The following ASAH2 variants were observed in gnomAD, a reference collection of about 807,000 sequenced individuals.
ASAH2 encodes neutral ceramidase.
Under a neutral mutation model 82.9 loss-of-function variants are expected in ASAH2, and 58 were observed. The observed-to-expected ratio is 0.70, with a 90% CI of 0.57 to 0.87. ASAH2 has a LOEUF of 0.87. Among genes scored for constraint, ASAH2 ranks in the 40% least tolerant of loss-of-function variants. ASAH2 has a pLI of 0.00. For missense variants in ASAH2, 779 were observed against 834.0 expected, an observed-to-expected ratio of 0.93 and a Z score of 0.81; for synonymous variants, 276 against 289.7, an observed-to-expected ratio of 0.95 and a Z score of 0.48.
chr10:50,205,542 A>G (rs1269163110), intron 13 of ASAH2, among the ~76,000 whole-genome samples: 1 of 152,032 alleles, frequency 6.6e-6, no homozygotes, highest in African/African-American at 2.4e-5. Flanking sequence ...AATGCAAAAT[A>G]TATGTTTCAA....
chr10:50,208,109 A>C (rs1016822399), intron 12 of ASAH2, among the ~76,000 whole-genome samples: 33 of 152,090 alleles, frequency 2.2e-4, no homozygotes, highest in South Asian at 4.1e-4. Context: ...AAAAACTAAT[A>C]CCATTTTATG....
At chr10:50,201,453 A>G (rs1564834735) in intron 16 of ASAH2, among the ~76,000 whole-genome samples, 1 of 152,002 alleles carries the variant, frequency 6.6e-6, no homozygotes, top group Non-Finnish European at 1.5e-5. Context: ...CCAGCACCCA[A>G]AAGCACTTAC....
chr10:50,230,495 G>T (rs1005277949), intron 7 of ASAH2, among the ~76,000 whole-genome samples: 8 of 152,178 alleles, frequency 5.3e-5, no homozygotes, highest in African/African-American at 1.9e-4. Context: ...CATTTTTAAC[G>T]TATTCAAAGA....
At position 50,184,932 on chromosome 10, in the gene ASAH2, CA is replaced by C. The variant is rs1844705797; in HGVS notation, c.*2382del. 2 of 151,526 alleles carry C rather than the reference CA, an allele frequency of 1.3e-5. No homozygotes were observed. Among genetic ancestry groups the C allele is most frequent in the East Asian group, 1.9e-4 (1 of 5,136 alleles). 9.4% of individuals were successfully genotyped at this position (151,526 alleles called of 1,614,324 possible). A position where few individuals can be genotyped will look rare whatever the true frequency, so the allele number is the denominator to read the frequency against. On this transcript the variant is annotated 3_prime_UTR_variant, in exon 21 of 21. Transcript: ENST00000682911. Reference sequence around the variant, plus strand: ...ATTGACAATTTTACACAGTACTCATCAAAAAATCTAGACCTGGAAAAGAGAT... The same window carrying C: ...ATTGACAATTTTACACAGTACTCATCAAAAATCTAGACCTGGAAAAGAGAT...
In ASAH2 at chr10:50,214,439, T is replaced by C. The variant is rs371936706; in HGVS notation, c.1140+304A>G. Reference sequence around the variant, plus strand: ...AATTTTTACTACAAACTTGTGACTTTCGAAATGCCAAAGCAAAATGTTTCA... The same window carrying C: ...AATTTTTACTACAAACTTGTGACTTCCGAAATGCCAAAGCAAAATGTTTCA... On this transcript the variant is annotated intron_variant, in intron 9 of 20. Transcript: ENST00000682911. 3.7e-4 allele frequency among the ~76,000 whole-genome samples: 56 copies of C among 152,278 alleles called. 1 individual carries two copies. In the East Asian group the frequency reaches 6.8e-3, roughly 18 times the overall value.
intron 17 of ASAH2, among the ~76,000 whole-genome samples, chr10:50,198,659 A>G (rs1311912397): frequency 6.6e-6 from 1 of 152,064 alleles, no homozygotes; most frequent in Non-Finnish European, 1.5e-5. Flanking sequence ...GGCAAGGATT[A>G]GAGAACACAG....
chr10:50,201,594 C>T (rs1845150180), intron 16 of ASAH2, among the ~76,000 whole-genome samples: 1 of 152,114 alleles, frequency 6.6e-6, no homozygotes, highest in Non-Finnish European at 1.5e-5. Flanking sequence ...TTTCCCATCT[C>T]ACCTGGACCA....
intron 4 of ASAH2, among the ~76,000 whole-genome samples, chr10:50,239,968 T>C (rs1434075197): frequency 1.3e-5 from 2 of 151,766 alleles, no homozygotes; most frequent in Admixed American, 6.6e-5. Context: ...TGGCTGGGAC[T>C]ACAGGCTCCT....
chr10:50,242,507 T>C (rs1354731417), intron 4 of ASAH2, among the ~76,000 whole-genome samples: 1 of 152,188 alleles, frequency 6.6e-6, no homozygotes, highest in Non-Finnish European at 1.5e-5. Context: ...CAGAACACAT[T>C]CTCTCTTAGT....
chr10:50,221,741 G>C (rs890529869), intron 7 of ASAH2, among the ~76,000 whole-genome samples: 34,804 of 151,142 alleles, frequency 0.23, 4,849 homozygotes, highest in Non-Finnish European at 0.32. Context: ...GATACAGATA[G>C]AGATAGAGAT....
chr10:50,246,189 G>T (rs1846453019), intron 2 of ASAH2, among the ~76,000 whole-genome samples: 1 of 152,112 alleles, frequency 6.6e-6, no homozygotes, highest in South Asian at 2.1e-4. Context: ...GAAGACAGAT[G>T]CAGAAACAAA....
intron 17 of ASAH2, among the ~76,000 whole-genome samples, chr10:50,198,148 C>A (rs369593975): frequency 6.6e-6 from 1 of 151,470 alleles, no homozygotes; most frequent in African/African-American, 2.4e-5. Flanking sequence ...CCATTTCATT[C>A]ATTTCAACTT....
chr10:50,193,091 A>G (rs1444444175), intron 18 of ASAH2, among the ~76,000 whole-genome samples: 2 of 77,298 alleles, frequency 2.6e-5, no homozygotes, highest in Non-Finnish European at 5.9e-5. Flanking sequence ...ATTTATGCTT[A>G]CATTTATACT....
chr10:50,237,696 A>G (rs1846195409), intron 4 of ASAH2, among the ~76,000 whole-genome samples: 1 of 152,200 alleles, frequency 6.6e-6, no homozygotes, highest in African/African-American at 2.4e-5. Flanking sequence ...AACACCAGAC[A>G]GAATACTGGT....
At chr10:50,223,058 A>G (rs1175840140) in intron 7 of ASAH2, among the ~76,000 whole-genome samples, 2 of 152,210 alleles carry the variant, frequency 1.3e-5, no homozygotes, top group African/African-American at 2.4e-5. Flanking sequence ...AATACAGCAG[A>G]AAGTCAAGAG....
chr10:50,225,573 C>T (rs1845859081), intron 7 of ASAH2, among the ~76,000 whole-genome samples: 1 of 152,080 alleles, frequency 6.6e-6, no homozygotes, highest in South Asian at 2.1e-4. Context: ...CTTTTTTAAG[C>T]CTGTTACTTG....
At chr10:50,233,663 T>C (rs1013737741) in intron 6 of ASAH2, among the ~76,000 whole-genome samples, 1 of 152,250 alleles carries the variant, frequency 6.6e-6, no homozygotes, top group Non-Finnish European at 1.5e-5. Context: ...AAGTGTTCTT[T>C]TATGTCTTCT....
intron 2 of ASAH2, among the ~76,000 whole-genome samples, chr10:50,247,811 T>C (rs1011281944): frequency 6.6e-6 from 1 of 151,994 alleles, no homozygotes; most frequent in African/African-American, 2.4e-5. Flanking sequence ...TAGCCTACGT[T>C]GTTCTCAAAA....
intron 16 of ASAH2, among the ~76,000 whole-genome samples, chr10:50,202,314 T>C (rs1845170366): frequency 6.6e-6 from 1 of 152,094 alleles, no homozygotes; most frequent in African/African-American, 2.4e-5. Flanking sequence ...CTGGACTATT[T>C]ATAAACAATG....
Sources: gnomAD v4.1 joint callset for allele counts (sites outside exome capture counted in the v4.1 genomes callset) on GRCh38, gnomAD v4.1.1 for gene constraint, MANE v1.5 for transcripts, NCBI Gene and HGNC (gene_info 2026-07-23, HGNC 2026-07-21) for gene names.